Variants in RBFOX1 observed in about 807,000 individuals in gnomAD.
RBFOX1 encodes RNA binding protein fox-1 homolog 1.
A neutral mutation model predicts 57.7 loss-of-function variants in RBFOX1; 8 were observed. That is an observed-to-expected ratio of 0.14 (90% CI 0.08 to 0.25). The LOEUF is 0.25. Among genes scored for constraint, RBFOX1 ranks in the 10% least tolerant of loss-of-function variants. RBFOX1 has a pLI of 1.00. For synonymous variants in RBFOX1, 326 were observed against 222.4 expected (o/e 1.47, Z -4.15); for missense variants, 611 against 548.5 (o/e 1.11, Z -1.14).
At chr16:7,439,617 A>G (rs953673692) in intron 4 of RBFOX1, among the ~76,000 whole-genome samples, 16 of 152,206 alleles carry the variant, frequency 1.1e-4, no homozygotes, top group Non-Finnish European at 1.9e-4. Context: ...TTGAGTCCCA[A>G]CGCTGCTCAG....
intron 1 of RBFOX1, among the ~76,000 whole-genome samples, chr16:6,054,229 CAT>C (rs1257306349): frequency 1.3e-5 from 2 of 151,788 alleles, no homozygotes; most frequent in Non-Finnish European, 1.5e-5. Flanking sequence ...TATTAGGAAA[CAT>C]AATATAATAT....
chr16:7,432,203 T>C (rs1052543780), intron 4 of RBFOX1, among the ~76,000 whole-genome samples: 1 of 152,242 alleles, frequency 6.6e-6, no homozygotes, highest in Non-Finnish European at 1.5e-5. Context: ...TGTGGCTGTC[T>C]GACTTTTCTT....
At chr16:7,125,742 A>T (rs564519594) in intron 4 of RBFOX1, among the ~76,000 whole-genome samples, 1 of 151,962 alleles carries the variant, frequency 6.6e-6, no homozygotes, top group South Asian at 2.1e-4. Context: ...TCACACAACT[A>T]TGCAAATTGT....
intron 2 of RBFOX1, among the ~76,000 whole-genome samples, chr16:6,646,247 G>A (rs1568025687): frequency 6.6e-6 from 1 of 152,048 alleles, no homozygotes; most frequent in African/African-American, 2.4e-5. Context: ...ATTTGTTCTC[G>A]CCAAAGTGAC....
chr16:6,577,473 G>A lies in RBFOX1; in HGVS notation c.-63-77130G>A, dbSNP rs187314697. 4 of 152,186 alleles carry A rather than the reference G, an allele frequency of 2.6e-5. No individual in the cohort carries two copies. The East Asian group carries it at 7.7e-4, about 29-fold the overall frequency. The allele number at this position is 152,186 out of a possible 1,614,324, so 9.4% of individuals were successfully genotyped here. ...TCCAACTCTCCAGTTTGTATCAGTCGGGGAACACCAAGTTGTGCTGTGGTG... is the reference window on the plus strand; with the variant it reads ...TCCAACTCTCCAGTTTGTATCAGTCAGGGAACACCAAGTTGTGCTGTGGTG... On this transcript the variant is annotated intron_variant, in intron 2 of 15. Coordinates refer to ENST00000550418, the MANE Select transcript of RBFOX1 (RefSeq NM_018723.4).
At chr16:7,695,649 C>CAAA (rs34363093) in intron 14 of RBFOX1, among the ~76,000 whole-genome samples, 1,479 of 98,296 alleles carry the variant, frequency 0.015, 35 homozygotes, top group East Asian at 0.079. Context: ...AAGCCTCCAT[C>CAAA]AAAAAAAAAA....
At chr16:6,282,127 G>C (rs985068533) in intron 1 of RBFOX1, among the ~76,000 whole-genome samples, 1 of 152,100 alleles carries the variant, frequency 6.6e-6, no homozygotes, top group Non-Finnish European at 1.5e-5. Context: ...TTTAATTTTT[G>C]CAGAAGCTCT....
intron 2 of RBFOX1, among the ~76,000 whole-genome samples, chr16:6,412,259 C>T (rs922302051): frequency 3.3e-5 from 5 of 152,108 alleles, no homozygotes; most frequent in African/African-American, 9.7e-5. Context: ...AGGTATGTCC[C>T]CAAGAACAGA....
At chr16:7,447,405 G>A (rs992882603) in intron 4 of RBFOX1, among the ~76,000 whole-genome samples, 1 of 144,712 alleles carries the variant, frequency 6.9e-6, no homozygotes, top group African/African-American at 2.6e-5. Flanking sequence ...TGCACTCCAG[G>A]CTGGCCAACC....
At chr16:6,385,748 G>T (rs147352888) in intron 2 of RBFOX1, among the ~76,000 whole-genome samples, 1 of 152,266 alleles carries the variant, frequency 6.6e-6, no homozygotes, top group Non-Finnish European at 1.5e-5. Context: ...TGACTCATGC[G>T]TCACGTCTAC....
intron 4 of RBFOX1, among the ~76,000 whole-genome samples, chr16:7,062,510 G>C (rs1486252546): frequency 6.6e-6 from 1 of 152,078 alleles, no homozygotes; most frequent in Non-Finnish European, 1.5e-5. Context: ...GCATCCAACA[G>C]ACATTTCTGC....
chr16:6,352,336 A>G (rs987745869), intron 2 of RBFOX1, among the ~76,000 whole-genome samples: 8 of 152,220 alleles, frequency 5.3e-5, no homozygotes, highest in Non-Finnish European at 4.4e-5. Flanking sequence ...TTGACCCATC[A>G]TAGATAAACT....
chr16:6,392,430 G>T (rs1211491266), intron 2 of RBFOX1, among the ~76,000 whole-genome samples: 2 of 152,112 alleles, frequency 1.3e-5, no homozygotes, highest in Non-Finnish European at 2.9e-5. Flanking sequence ...ATATCTAGAG[G>T]TAACAAATTC....
chr16:6,722,725 A>G (rs1418463555), intron 3 of RBFOX1, among the ~76,000 whole-genome samples: 2 of 152,230 alleles, frequency 1.3e-5, no homozygotes, highest in African/African-American at 4.8e-5. Flanking sequence ...TTGTAGAAGC[A>G]GTCTGAATTA....
intron 3 of RBFOX1, among the ~76,000 whole-genome samples, chr16:5,835,430 A>G (rs1386286711): frequency 1.3e-5 from 2 of 152,282 alleles, no homozygotes; most frequent in African/African-American, 4.8e-5. Context: ...GGGAAAGCTT[A>G]ATGGAGAAAG....
At chr16:6,215,181 A>AGACG in intron 1 of RBFOX1, among the ~76,000 whole-genome samples, 1 of 119,446 alleles carries the variant, frequency 8.4e-6, no homozygotes, top group Non-Finnish European at 1.7e-5. Context: ...GGAGAGGGGG[A>AGACG]GAGAGAAGGA....
chr16:5,699,052 A>G (rs2050941679), intron 3 of RBFOX1, among the ~76,000 whole-genome samples: 2 of 142,818 alleles, frequency 1.4e-5, no homozygotes, highest in South Asian at 4.3e-4. Context: ...CGATGGCATG[A>G]TCTCGGCTCA....
chr16:6,096,936 C>T (rs2096251842), intron 1 of RBFOX1, among the ~76,000 whole-genome samples: 1 of 152,152 alleles, frequency 6.6e-6, no homozygotes, highest in South Asian at 2.1e-4. Context: ...ACGGCTCACC[C>T]CTCTGCACTC....
intron 5 of RBFOX1, among the ~76,000 whole-genome samples, chr16:7,534,453 G>A (rs1011811724): frequency 6.6e-6 from 1 of 151,974 alleles, no homozygotes; most frequent in African/African-American, 2.4e-5. Context: ...ACTAAAATAG[G>A]CAACTGATGC....
Sources: gnomAD v4.1 joint callset for allele counts (sites outside exome capture counted in the v4.1 genomes callset) on GRCh38, gnomAD v4.1.1 for gene constraint, MANE v1.5 for transcripts, NCBI Gene and HGNC (gene_info 2026-07-23, HGNC 2026-07-21) for gene names.